Variants in TIAM1 observed in about 807,000 individuals in gnomAD.
TIAM1 encodes the protein rho guanine nucleotide exchange factor TIAM1.
A neutral mutation model predicts 163.5 loss-of-function variants in TIAM1; 65 were observed. The ratio of observed to expected loss-of-function variants is 0.40; its 90% CI spans 0.33 to 0.49. The LOEUF (loss-of-function observed/expected upper bound fraction) is 0.49, where lower values mean the gene tolerates loss of function less well. Among genes scored for constraint, TIAM1 ranks in the 20% least tolerant of loss-of-function variants. TIAM1 has a pLI of 0.77. For synonymous variants in TIAM1, 833 were observed against 810.1 expected, an observed-to-expected ratio of 1.03 and a Z score of -0.48; for missense variants, 1,789 against 2,044.7, an observed-to-expected ratio of 0.87 and a Z score of 2.41.
At chr21:31,355,400 A>G (rs2076299055) in intron 2 of TIAM1, among the ~76,000 whole-genome samples, 2 of 152,078 alleles carry the variant, frequency 1.3e-5, no homozygotes, top group African/African-American at 2.4e-5. Flanking sequence ...CTTAGACTTG[A>G]GGTCTTTGTT....
chr21:31,522,728 G>A (rs550397592), intron 1 of TIAM1, among the ~76,000 whole-genome samples: 2 of 152,252 alleles, frequency 1.3e-5, no homozygotes, highest in African/African-American at 2.4e-5. Context: ...CTGTCCAACC[G>A]AAGCAGTCCT....
In TIAM1 at chr21:31,410,936, C is replaced by T. The variant is rs1269362861; in HGVS notation, c.-369+53047G>A. On this transcript the variant is annotated intron_variant, in intron 2 of 28. Transcript: ENST00000286827. Reference sequence around the variant, plus strand: ...GTGAGAGCATTAGGGGCCCGCTCCTCACTGGACGATGTTACAAAGAGCCCC... The same window carrying T: ...GTGAGAGCATTAGGGGCCCGCTCCTTACTGGACGATGTTACAAAGAGCCCC... Among the ~76,000 whole-genome samples the T allele has an allele frequency of 3.3e-5, 5 of 152,294 alleles. No individual in the cohort carries two copies. The East Asian group carries it at 9.7e-4, about 29-fold the overall frequency.
At chr21:31,153,224 TA>T in intron 17 of TIAM1, 90 bp from the exon 18 acceptor site, 1 of 1,087,702 alleles carries the variant, frequency 9.2e-7, no homozygotes, top group Middle Eastern at 2.8e-4. Flanking sequence ...TTAATGTCTA[TA>T]AAAGGATCTA....
intron 2 of TIAM1, among the ~76,000 whole-genome samples, chr21:31,410,573 G>A (rs1815921456): frequency 6.6e-6 from 1 of 152,058 alleles, no homozygotes; most frequent in Non-Finnish European, 1.5e-5. Context: ...AACTGTGTAA[G>A]AATGTGTGCA....
At chr21:31,404,189 A>C (rs1158507215) in intron 2 of TIAM1, among the ~76,000 whole-genome samples, 3 of 152,182 alleles carry the variant, frequency 2.0e-5, no homozygotes, top group African/African-American at 7.2e-5. Context: ...ATGACCTTGA[A>C]TTATCCTTTT....
At chr21:31,208,982 C>T (rs2086587169) in intron 11 of TIAM1, among the ~76,000 whole-genome samples, 1 of 151,842 alleles carries the variant, frequency 6.6e-6, no homozygotes, top group African/African-American at 2.4e-5. Context: ...CCAAAGAAGA[C>T]CAATTCACTC....
chr21:31,352,817 G>A (rs1374476579), intron 2 of TIAM1, among the ~76,000 whole-genome samples: 1 of 151,634 alleles, frequency 6.6e-6, no homozygotes, highest in Non-Finnish European at 1.5e-5. Context: ...GAAGGTTGCA[G>A]TGAGCTGTAA....
rs2076553599 is a variant in TIAM1, at chr21:31,369,236, A to AAAAAC, written c.-368-29815_-368-29814insGTTTT. 1.4e-5 allele frequency among the ~76,000 whole-genome samples: 2 copies of AAAAAC among 143,574 alleles called. 1 individual carries two copies. The highest frequency in any genetic ancestry group is 5.9e-5 in the African/African-American group (2 of 34,052). The allele number at this position is 143,574 out of a possible 152,430, so 94.2% of individuals were successfully genotyped here. A position where few individuals can be genotyped will look rare whatever the true frequency, so the allele number is the denominator to read the frequency against. On this transcript the variant is annotated intron_variant, in intron 2 of 28. Transcript: ENST00000286827. ...GCGAGAATCCATCTCAAAAAAAAAG[A>AAAAAC]AAGAAAGAAAGAAAGGGATGATAAT...
At chr21:31,192,694 G>C (rs2249991) in intron 13 of TIAM1, among the ~76,000 whole-genome samples, 27,141 of 151,954 alleles carry the variant, frequency 0.18, 3,545 homozygotes, top group East Asian at 0.4. Flanking sequence ...TCTTTCCACC[G>C]GGAACTTTGT....
intron 1 of TIAM1, among the ~76,000 whole-genome samples, chr21:31,503,758 G>C (rs2046941348): frequency 6.6e-6 from 1 of 151,206 alleles, no homozygotes; most frequent in Non-Finnish European, 1.5e-5. Context: ...CATCATCACA[G>C]TAAAGTCCGC....
intron 1 of TIAM1, among the ~76,000 whole-genome samples, chr21:31,495,665 G>C (rs73345609): frequency 4.6e-4 from 70 of 152,270 alleles, no homozygotes; most frequent in African/African-American, 1.6e-3. Context: ...AACCATATAC[G>C]ACAGTGCTCT....
chr21:31,174,862 T>C (rs1410737947), intron 15 of TIAM1, among the ~76,000 whole-genome samples: 1 of 152,200 alleles, frequency 6.6e-6, no homozygotes, highest in Non-Finnish European at 1.5e-5. Flanking sequence ...TTGGCCAGGC[T>C]GGTCTTGAAC....
At chr21:31,169,980 G>A (rs1365191125) in intron 15 of TIAM1, among the ~76,000 whole-genome samples, 1 of 152,058 alleles carries the variant, frequency 6.6e-6, no homozygotes, top group Non-Finnish European at 1.5e-5. Context: ...CAACCTAGAA[G>A]AGGACAGGAA....
chr21:31,241,440 TG>T (rs1239134386), intron 6 of TIAM1, among the ~76,000 whole-genome samples: 1 of 152,212 alleles, frequency 6.6e-6, no homozygotes, highest in Non-Finnish European at 1.5e-5. Context: ...TTATTGCTTC[TG>T]TACTTTTAAG....
rs1375028143 is a variant in TIAM1 at position 31,266,226 on chromosome 21, C to T, written c.747G>A (p.Pro249=). 6.2e-6 allele frequency: 10 copies of T among 1,614,186 alleles called. No homozygotes were observed. Among genetic ancestry groups the T allele is most frequent in the African/African-American group, 1.3e-5 (1 of 75,050 alleles). ...KNSGVTANGG[P]GSKFAGYCRN... is the part of the protein sequence containing the mutation. ...GACAGTAGCCTGCAAATTTGCTCCC[C>T]GGCCCCCCGTTTGCTGTCACTCCAG... The change falls in exon 4 of 28, where the codon CCG becomes CCA. Residue 249 remains proline (P), a synonymous_variant. Transcript: ENST00000541036.
At chr21:31,482,312 C>T (rs1488554821) in intron 1 of TIAM1, among the ~76,000 whole-genome samples, 6 of 151,930 alleles carry the variant, frequency 3.9e-5, no homozygotes, top group South Asian at 2.1e-4. Flanking sequence ...CCACCATGCC[C>T]GGCTAATTTT....
chr21:31,341,134 CTAAG>C (rs1052784128), intron 1 of TIAM1, among the ~76,000 whole-genome samples: 3 of 152,192 alleles, frequency 2.0e-5, no homozygotes, highest in African/African-American at 4.8e-5. Flanking sequence ...ACTGAAAACA[CTAAG>C]TGTCACTATT....
rs1016635768 is a variant in TIAM1 at position 31,417,417 on chromosome 21, G to A, written c.-369+46566C>T. ...AGTCACAGCAGAAGGCAAAAGGCACGCCTTACATGGTGGCAGGCAAAAGGA... is the reference window on the plus strand; with the variant it reads ...AGTCACAGCAGAAGGCAAAAGGCACACCTTACATGGTGGCAGGCAAAAGGA... On this transcript the variant is annotated intron_variant, in intron 2 of 28. Transcript: ENST00000286827. Among the ~76,000 whole-genome samples, 44 of 152,236 alleles carry A rather than the reference G, an allele frequency of 2.9e-4. 1 individual carries two copies. The highest frequency in any genetic ancestry group is 3.4e-3 in the Middle Eastern group (1 of 294).
chr21:31,443,776 TG>T (rs1369118942), intron 2 of TIAM1, among the ~76,000 whole-genome samples: 7 of 152,366 alleles, frequency 4.6e-5, no homozygotes, highest in Admixed American at 3.3e-4. Flanking sequence ...CAATGAGCCC[TG>T]AACTATTGTG....
Sources: gnomAD v4.1 joint callset for allele counts (sites outside exome capture counted in the v4.1 genomes callset) on GRCh38, gnomAD v4.1.1 for gene constraint, MANE v1.5 for transcripts, NCBI Gene and HGNC (gene_info 2026-07-23, HGNC 2026-07-21) for gene names.